SUPV3L1: variants seen among roughly 807,000 people sequenced by gnomAD.
SUPV3L1 encodes ATP-dependent RNA helicase SUPV3L1, mitochondrial.
In SUPV3L1, 35 loss-of-function variants were observed where a neutral mutation model predicts 70.0. That is an observed-to-expected ratio of 0.50 (90% CI 0.38 to 0.66). SUPV3L1 has a LOEUF of 0.66. Among genes scored for constraint, SUPV3L1 ranks in the 30% least tolerant of loss-of-function variants. The pLI is 0.00. For missense variants in SUPV3L1, 777 were observed against 961.5 expected (o/e 0.81, Z 2.54); for synonymous variants, 364 against 341.9 (o/e 1.06, Z -0.71).
At chr10:69,182,971 C>T (rs1055439591) in intron 1 of SUPV3L1, among the ~76,000 whole-genome samples, 1 of 152,186 alleles carries the variant, frequency 6.6e-6, no homozygotes, top group African/African-American at 2.4e-5. Flanking sequence ...GTATTCCTCT[C>T]AGATCTTTGT....
intron 5 of SUPV3L1, among the ~76,000 whole-genome samples, chr10:69,191,126 C>T (rs1842380386): frequency 6.6e-6 from 1 of 152,068 alleles, no homozygotes; most frequent in Non-Finnish European, 1.5e-5. Context: ...GCTTTTGTTA[C>T]CTGAGGATTT....
intron 4 of SUPV3L1, among the ~76,000 whole-genome samples, chr10:69,188,554 A>G (rs7908883): frequency 0.042 from 6,332 of 152,096 alleles, 461 homozygotes; most frequent in African/African-American, 0.14. Flanking sequence ...GCTGGAGTGC[A>G]GTGGTGCGTT....
chr10:69,207,786 C>G lies in SUPV3L1; in HGVS notation c.1777-7C>G, dbSNP rs1255694451. 1 of 1,609,356 alleles carries G rather than the reference C, an allele frequency of 6.2e-7. No individual in the cohort carries two copies. The highest frequency in any genetic ancestry group is 1.1e-5 in the South Asian group (1 of 90,304). ...TCTCTGAAACCCTTTTCCTCTTTCTCTCTCAGTTTGCCAGGCAGTATAGCA... is the reference window on the plus strand; with the variant it reads ...TCTCTGAAACCCTTTTCCTCTTTCTGTCTCAGTTTGCCAGGCAGTATAGCA... On this transcript the variant is annotated splice_region_variant and splice_polypyrimidine_tract_variant and intron_variant, in intron 13 of 14. Coordinates refer to ENST00000359655, the MANE Select transcript of SUPV3L1 (RefSeq NM_003171.5).
chr10:69,186,067 A>G lies in SUPV3L1; in HGVS notation c.349+3A>G, dbSNP rs779352038. 33 of 1,612,922 alleles carry G rather than the reference A, an allele frequency of 2.0e-5. No individual in the cohort carries two copies. The highest frequency in any genetic ancestry group is 2.6e-5 in the Non-Finnish European group (31 of 1,179,430). On this transcript the variant is annotated splice_donor_region_variant and intron_variant, in intron 2 of 14. Coordinates refer to ENST00000359655, the MANE Select transcript of SUPV3L1 (RefSeq NM_003171.5). ...GGGTGCTGATTATGGACTTGATGGT[A>G]AGGCCCAAAACATCTTCATAGAGGT...
At chr10:69,207,703 T>G in intron 13 of SUPV3L1, 90 bp from the exon 14 acceptor site, 4 of 1,425,898 alleles carry the variant, frequency 2.8e-6, no homozygotes, top group Non-Finnish European at 3.8e-6. Flanking sequence ...CCACAATGTT[T>G]TGTTTTGCTT....
At chr10:69,185,504 C>CT (rs35590294) in intron 1 of SUPV3L1, among the ~76,000 whole-genome samples, 77,706 of 139,424 alleles carry the variant, frequency 0.56, 22,831 homozygotes, top group Middle Eastern at 0.76. Context: ...TCATTTTTCT[C>CT]TTTTTTTTTT....
chr10:69,196,111 T>C (rs1167068740), intron 7 of SUPV3L1, among the ~76,000 whole-genome samples: 1 of 152,178 alleles, frequency 6.6e-6, no homozygotes, highest in Non-Finnish European at 1.5e-5. Flanking sequence ...TTGAGGTCCA[T>C]AGACATGAAT....
At chr10:69,182,061 C>G (rs1460759689) in intron 1 of SUPV3L1, among the ~76,000 whole-genome samples, 1 of 149,046 alleles carries the variant, frequency 6.7e-6, no homozygotes, top group Non-Finnish European at 1.5e-5. Flanking sequence ...GTGGTATGAT[C>G]ATAGCTCACT....
chr10:69,195,453 G>A, intron 7 of SUPV3L1, 188 bp downstream of exon 7: 1 of 409,090 alleles, frequency 2.4e-6, no homozygotes, highest in Admixed American at 4.1e-5. Context: ...ATTTTTTCCT[G>A]TGCTAAAACT....
At chr10:69,191,633 A>G (rs199512975) in intron 5 of SUPV3L1, 22 bp from the exon 6 acceptor site, 8 of 1,590,514 alleles carry the variant, frequency 5.0e-6, no homozygotes, top group South Asian at 3.3e-5. Context: ...CAATAATTCT[A>G]GTTTTTTTTC....
At chr10:69,202,287 A>T (rs1265026799) in intron 11 of SUPV3L1, 152 bp from the exon 12 acceptor site, 13 of 553,492 alleles carry the variant, frequency 2.3e-5, no homozygotes, top group Non-Finnish European at 3.8e-5. Context: ...TGGTAAAATG[A>T]TATTTTTTCT....
chr10:69,189,583 T>C, intron 5 of SUPV3L1, 148 bp downstream of exon 5: 1 of 717,578 alleles, frequency 1.4e-6, no homozygotes, highest in Non-Finnish European at 2.1e-6. Context: ...AGATGTACCA[T>C]TATTTTATAT....
intron 1 of SUPV3L1, among the ~76,000 whole-genome samples, chr10:69,185,572 G>T (rs1182309058): frequency 6.6e-6 from 1 of 151,206 alleles, no homozygotes; most frequent in African/African-American, 2.4e-5. Flanking sequence ...GCCCATCTCG[G>T]CTCACTGCAA....
Position 69,189,330 on chromosome 10 carries a change from A to G in SUPV3L1, c.636A>G (p.Gly212=). The part of the protein sequence containing the change: ...IIFHSGPTNS[G]KTYHAIQKYF... ...TTCATTCAGGCCCCACAAACAGTGGAAAGACTTATCACGCAATCCAGAAAT... is the reference window on the plus strand; with the variant it reads ...TTCATTCAGGCCCCACAAACAGTGGGAAGACTTATCACGCAATCCAGAAAT... The change falls in exon 5 of 15, where the codon GGA becomes GGG. Residue 212 remains glycine, a synonymous_variant. Coordinates refer to ENST00000359655, the MANE Select transcript of SUPV3L1 (RefSeq NM_003171.5). The G allele has an allele frequency of 3.1e-6, 5 of 1,614,162 alleles. No individual in the cohort carries two copies. The highest frequency in any genetic ancestry group is 4.2e-6 in the Non-Finnish European group (5 of 1,180,010).
At chr10:69,202,627 AT>A in intron 12 of SUPV3L1, 108 bp downstream of exon 12, 1 of 1,178,308 alleles carries the variant, frequency 8.5e-7, no homozygotes, top group Non-Finnish European at 1.2e-6. Context: ...AGAAGTTGCT[AT>A]TTATAAAATT....
intron 9 of SUPV3L1, 91 bp from the exon 10 acceptor site, chr10:69,199,013 A>G (rs1842615394): frequency 2.2e-6 from 2 of 908,274 alleles, no homozygotes; most frequent in Middle Eastern, 2.3e-4. Flanking sequence ...AAAAATGGGA[A>G]GAACAGGAGG....
chr10:69,198,683 C>T, intron 9 of SUPV3L1, 131 bp downstream of exon 9: 1 of 792,004 alleles, frequency 1.3e-6, no homozygotes, highest in African/African-American at 1.8e-5. Context: ...TGTTAAACGT[C>T]ATATAAAATA....
chr10:69,202,657 T>G, intron 12 of SUPV3L1, 138 bp downstream of exon 12: 5 of 1,124,390 alleles, frequency 4.4e-6, no homozygotes, highest in Non-Finnish European at 6.2e-6. Flanking sequence ...AAGTGAAAAT[T>G]TTTTCTCAAA....
At chr10:69,206,710 A>G (rs754907187) in intron 13 of SUPV3L1, among the ~76,000 whole-genome samples, 6 of 152,096 alleles carry the variant, frequency 3.9e-5, no homozygotes, top group Non-Finnish European at 8.8e-5. Flanking sequence ...GAGGGTTTCT[A>G]TATAATAAGG....
Sources: gnomAD v4.1 joint callset for allele counts (sites outside exome capture counted in the v4.1 genomes callset) on GRCh38, gnomAD v4.1.1 for gene constraint, MANE v1.5 for transcripts, NCBI Gene and HGNC (gene_info 2026-07-23, HGNC 2026-07-21) for gene names.